The following KCNC4 variants were observed in gnomAD, a reference collection of about 807,000 sequenced individuals.
KCNC4 encodes the protein voltage-gated potassium channel KCNC4.
Under a neutral mutation model 42.8 loss-of-function variants are expected in KCNC4, and 23 were observed. The observed-to-expected ratio is 0.54, with a 90% CI of 0.39 to 0.76. The LOEUF (loss-of-function observed/expected upper bound fraction) is 0.76, where lower values mean the gene tolerates loss of function less well. Ranked by LOEUF, KCNC4 falls within the 30% of genes least tolerant of loss-of-function variation. The pLI is 0.00. For missense variants in KCNC4, 751 were observed against 898.2 expected (o/e 0.84, Z 2.10); for synonymous variants, 422 against 393.5 (o/e 1.07, Z -0.86).
chr1:110,264,603 C>G (rs1659506611), intron 1 of KCNC4, among the ~76,000 whole-genome samples: 1 of 152,178 alleles, frequency 6.6e-6, no homozygotes. Flanking sequence ...GGGAACCAAA[C>G]ATGACTTTAA....
At chr1:110,216,960 CTCT>C (rs1182289514) in intron 1 of KCNC4, among the ~76,000 whole-genome samples, 1 of 152,182 alleles carries the variant, frequency 6.6e-6, no homozygotes. Context: ...AGCTGATGAC[CTCT>C]TCTTCTGACA....
intron 1 of KCNC4, among the ~76,000 whole-genome samples, chr1:110,267,189 G>T (rs1416228002): frequency 6.6e-6 from 1 of 152,196 alleles, no homozygotes; most frequent in Non-Finnish European, 1.5e-5. Context: ...AGGCCACTGG[G>T]AAGGTTTGGG....
Position 110,223,573 on chromosome 1 carries a change from G to T in KCNC4, c.1288G>T (p.Ala430Ser). 7 of 1,614,040 alleles carry T rather than the reference G, an allele frequency of 4.3e-6. No individual in the cohort carries two copies. The highest frequency in any genetic ancestry group is 5.9e-6 in the Non-Finnish European group (7 of 1,180,036). Reference sequence around the variant, plus strand: ...GAACATCCCCATTGGCTTCTGGTGGGCTGTGGTCACCATGACGACACTGGG... The same window carrying T: ...GAACATCCCCATTGGCTTCTGGTGGTCTGTGGTCACCATGACGACACTGGG... ...FKNIPIGFWW[A>S]VVTMTTLGYG... The change falls in exon 2 of 4, where the codon GCT (alanine) becomes TCT (serine). Residue 430 changes from alanine (A) to serine (S), a missense_variant. Physicochemically the swap from Ala to Ser is moderately conservative, Grantham distance 99 (BLOSUM62 1). Transcript: ENST00000438661. This position sits in a 1 kb window ranked among gnomAD's most constrained non-coding sequence, Gnocchi z 7.5.
At chr1:110,283,344 G>T (rs143076177), downstream of KCNC4, among the ~76,000 whole-genome samples, 376 of 152,276 alleles carry the variant, frequency 2.5e-3, 1 homozygote, top group African/African-American at 8.7e-3. Flanking sequence ...GGAGCCCACG[G>T]TAAATGTAAA....
intron 3 of KCNC4, 103 bp downstream of exon 3, chr1:110,226,281 C>T (rs746227438): frequency 1.7e-5 from 16 of 929,060 alleles, no homozygotes; most frequent in East Asian, 7.7e-5. Flanking sequence ...AGACCGTGGC[C>T]GCCATCTCCT....
chr1:110,232,829 C>T (rs748215911), intron 3 of KCNC4, 82 bp from the exon 4 acceptor site: 3 of 1,553,166 alleles, frequency 1.9e-6, no homozygotes, highest in Admixed American at 1.9e-5. Flanking sequence ...TTGCTGAACT[C>T]CCTGTCCCCC....
At chr1:110,258,341 G>A (rs1267417509) in intron 1 of KCNC4, among the ~76,000 whole-genome samples, 1 of 152,046 alleles carries the variant, frequency 6.6e-6, no homozygotes, top group African/African-American at 2.4e-5. Flanking sequence ...GGGTTCAAGC[G>A]ATTCTCCTGC....
rs558179535 is a variant in KCNC4, at chr1:110,211,304, T to A, written c.-196T>A. ...TTCCTGCCCTAACCCCAACCACCTG[T>A]GTACCGGAGAAATCCAACTCCTCCC... is the stretch of plus-strand genomic sequence containing the variant. On this transcript the variant is annotated 5_prime_UTR_variant, in exon 1 of 4. Transcript: ENST00000438661. This position sits in a 1 kb window ranked among gnomAD's most constrained non-coding sequence, Gnocchi z 6.5. 1.3e-6 allele frequency: 1 copy of A among 756,964 alleles called. No homozygotes were observed. Among genetic ancestry groups the A allele is most frequent in the Non-Finnish European group, 2.1e-6 (1 of 481,710 alleles). The allele number at this position is 756,964 out of a possible 1,614,324, so 46.9% of individuals were successfully genotyped here. A position where few individuals can be genotyped will look rare whatever the true frequency, so the allele number is the denominator to read the frequency against.
At chr1:110,250,632 G>C (rs781116333), downstream of KCNC4, among the ~76,000 whole-genome samples, 1 of 152,210 alleles carries the variant, frequency 6.6e-6, no homozygotes, top group Non-Finnish European at 1.5e-5. Context: ...CCAAGGGGAT[G>C]AATTAGTTTT....
At chr1:110,247,815 T>G (rs550382418) in exon 4 of KCNC4, 87 of 152,354 alleles carry the variant, frequency 5.7e-4, no homozygotes, top group African/African-American at 2.0e-3. Flanking sequence ...CCTCCCAAAG[T>G]GCTGGGATTA....
At chr1:110,275,261 G>A (rs2101089504) in intron 1 of KCNC4, among the ~76,000 whole-genome samples, 1 of 152,156 alleles carries the variant, frequency 6.6e-6, no homozygotes, top group South Asian at 2.1e-4. Context: ...GAAAAAAATG[G>A]TCAACATCAC....
intron 3 of KCNC4, chr1:110,232,374 A>G (rs921247544): frequency 1.5e-5 from 24 of 1,572,328 alleles, no homozygotes; most frequent in Non-Finnish European, 2.0e-5. Context: ...CCTTGGGACA[A>G]TGGAATATCC....
intron 1 of KCNC4, chr1:110,222,224 G>T (rs1658138785): frequency 6.6e-6 from 1 of 152,226 alleles, no homozygotes; most frequent in Non-Finnish European, 1.5e-5. Context: ...GACATCCTAA[G>T]GTGAGAGGCA....
intron 1 of KCNC4, among the ~76,000 whole-genome samples, chr1:110,261,649 C>T (rs114248596): frequency 1.4e-3 from 211 of 152,280 alleles, no homozygotes; most frequent in Non-Finnish European, 2.4e-3. Flanking sequence ...GATAGAACCA[C>T]ACTTAATATT....
chr1:110,244,986 A>G (rs568777008), exon 4 of KCNC4: 2 of 152,328 alleles, frequency 1.3e-5, no homozygotes, highest in East Asian at 3.9e-4. Context: ...TTGACATTCT[A>G]TAAGGTTTAA....
chr1:110,248,391 T>C (rs1033827555), exon 4 of KCNC4: 9 of 152,212 alleles, frequency 5.9e-5, no homozygotes, highest in Admixed American at 1.3e-4. Flanking sequence ...TTTGCTATTA[T>C]TAATTAAGGG....
rs1227890951 is a variant in KCNC4 at position 110,223,558 on chromosome 1, A to G, written c.1273A>G (p.Ile425Val). 17 of 1,613,728 alleles carry G rather than the reference A, an allele frequency of 1.1e-5. No homozygotes were observed. The highest frequency in any genetic ancestry group is 1.4e-5 in the Non-Finnish European group (16 of 1,179,992). ...CCACACCGACTTCAAGAACATCCCC[A>G]TTGGCTTCTGGTGGGCTGTGGTCAC... ...NDHTDFKNIPIGFWWAVVTMT... is the reference protein window; with the variant it reads ...NDHTDFKNIPVGFWWAVVTMT... The change falls in exon 2 of 4, where the codon ATT (isoleucine) becomes GTT (valine). Residue 425 changes from isoleucine to valine, a missense_variant. Physicochemically the swap from Ile to Val is conservative, Grantham distance 29. Transcript: ENST00000438661. This position sits in a 1 kb window ranked among gnomAD's most constrained non-coding sequence, Gnocchi z 7.5.
chr1:110,249,908 C>A (rs1203842340), downstream of KCNC4, among the ~76,000 whole-genome samples: 2 of 152,168 alleles, frequency 1.3e-5, no homozygotes, highest in African/African-American at 4.8e-5. Context: ...ATTCTCTTCT[C>A]TCCCAGTCCC....
chr1:110,223,528 A>T lies in KCNC4; in HGVS notation c.1243A>T (p.Asn415Tyr). 1 of 1,613,912 alleles carries T rather than the reference A, an allele frequency of 6.2e-7. No homozygotes were observed. The highest frequency in any genetic ancestry group is 8.5e-7 in the Non-Finnish European group (1 of 1,180,036). ...GGCCAGGCCCTCCGACCCTCGGGGT[A>T]ATGACCACACCGACTTCAAGAACAT... The part of the protein sequence containing the change: ...IGARPSDPRG[N>Y]DHTDFKNIPI... Residue 415 changes from asparagine to tyrosine, a missense_variant, in exon 2 of 4, where the codon AAT becomes TAT. Transcript: ENST00000438661. This position sits in a 1 kb window ranked among gnomAD's most constrained non-coding sequence, Gnocchi z 7.5.
Sources: allele counts gnomAD v4.1 joint callset (sites outside exome capture counted in the v4.1 genomes callset), GRCh38; gene constraint gnomAD v4.1.1; non-coding constraint Gnocchi (gnomAD v3.1); transcripts MANE v1.5; gene names NCBI Gene and HGNC (gene_info 2026-07-23, HGNC 2026-07-21).